KLK12: variants seen among roughly 807,000 people sequenced by gnomAD.
The protein encoded by KLK12 is kallikrein-12.
KLK12 carries 23 observed loss-of-function variants against 20.0 expected under a neutral mutation model. That is an observed-to-expected ratio of 1.15 (90% CI 0.83 to 1.63). The LOEUF (loss-of-function observed/expected upper bound fraction) is 1.63. KLK12 is among the 40% of genes most tolerant of loss of function. The pLI, the probability that KLK12 is intolerant of heterozygous loss-of-function variation, is 0.00. For synonymous variants in KLK12, 147 were observed against 141.9 expected (o/e 1.04, Z -0.25); for missense variants, 351 against 338.6 (o/e 1.04, Z -0.29).
intron 5 of KLK12, among the ~76,000 whole-genome samples, chr19:51,029,706 T>A (rs919681458): frequency 6.6e-6 from 1 of 152,132 alleles, no homozygotes; most frequent in African/African-American, 2.4e-5. Context: ...TCAAGGACAA[T>A]GGCTGGGGCC....
In KLK12 at chr19:51,031,929, G is replaced by A; in HGVS notation, c.404C>T (p.Thr135Ile). 6.2e-7 allele frequency: 1 copy of A among 1,613,484 alleles called. No homozygotes were observed. The highest frequency in any genetic ancestry group is 8.5e-7 in the Non-Finnish European group (1 of 1,179,688). ...TGAGACGTGGCACTCGGTGCCAGCGGTTGCACAGTCATTGGGCAGGGGCAG... is the reference window on the plus strand; with the variant it reads ...TGAGACGTGGCACTCGGTGCCAGCGATTGCACAGTCATTGGGCAGGGGCAG... ...QPLPLPNDCA[T>I]AGTECHVSGW... The change falls in exon 4 of 6, where the codon ACC becomes ATC. Residue 135 changes from threonine to isoleucine, a missense_variant. Coordinates refer to ENST00000684732, the MANE Select transcript of KLK12 (RefSeq NM_001370125.1).
Position 51,034,156 on chromosome 19 carries a change from G to A in KLK12, c.38-17C>T, listed in dbSNP as rs780397576. The A allele has an allele frequency of 6.4e-7, 1 of 1,551,348 alleles. No homozygotes were observed. The highest frequency in any genetic ancestry group is 1.2e-5 in the South Asian group (1 of 84,058). ...GGCTGAGCCCTGGAGACAGACAGGG[G>A]CATGGGTCAGAGAGAGGAAGAAAAG... On this transcript the variant is annotated splice_polypyrimidine_tract_variant and intron_variant, in intron 2 of 5. Coordinates refer to ENST00000684732, the MANE Select transcript of KLK12 (RefSeq NM_001370125.1).
At chr19:51,033,632 G>T (rs2091582046) in intron 3 of KLK12, among the ~76,000 whole-genome samples, 3 of 152,036 alleles carry the variant, frequency 2.0e-5, no homozygotes, top group South Asian at 2.1e-4. Flanking sequence ...ATAAAAAAAA[G>T]AAAAAGAAAA....
rs370106471 is a variant in KLK12, at chr19:51,030,907, G to T, written c.472C>A (p.Leu158Met). Residue 158 changes from leucine to methionine, a missense_variant, in exon 5 of 6, where the codon CTG becomes ATG. Physicochemically the swap from Leu to Met is conservative, Grantham distance 15. Coordinates refer to ENST00000684732, the MANE Select transcript of KLK12 (RefSeq NM_001370125.1). The part of the protein sequence containing the change: ...TNHPRNPFPD[L>M]LQCLNLSIVS... ...ATGGAGAGGTTGAGGCACTGGAGCA[G>T]ATCCGGGAATGGGTCTGGAGAGAGA... 1.2e-6 allele frequency: 2 copies of T among 1,614,048 alleles called. No homozygotes were observed. Among genetic ancestry groups the T allele is most frequent in the African/African-American group, 2.7e-5 (2 of 74,922 alleles).
At chr19:51,033,221 A>G (rs111496694) in intron 3 of KLK12, among the ~76,000 whole-genome samples, 8,663 of 87,298 alleles carry the variant, frequency 0.099, 293 homozygotes, top group Non-Finnish European at 0.15. Context: ...CTCTGTCTCC[A>G]AAAAAAAAAA....
intron 5 of KLK12, among the ~76,000 whole-genome samples, chr19:51,029,797 T>A (rs372493123): frequency 6.6e-6 from 1 of 151,976 alleles, no homozygotes; most frequent in South Asian, 2.1e-4. Context: ...GAGTCGAGCA[T>A]TCTCTCAAGG....
chr19:51,029,099 C>T lies in KLK12; in HGVS notation c.*203G>A. The T allele has an allele frequency of 6.4e-7, 1 of 1,573,500 alleles. No homozygotes were observed. The highest frequency in any genetic ancestry group is 8.7e-7 in the Non-Finnish European group (1 of 1,143,856). On this transcript the variant is annotated 3_prime_UTR_variant, in exon 6 of 6. Coordinates refer to ENST00000684732, the MANE Select transcript of KLK12 (RefSeq NM_001370125.1). ...TTCAAATGGACAGACATGGCCCCTC[C>T]TTCATTTATATTTATTCCAGACTAT...
intron 5 of KLK12, 41 bp downstream of exon 5, chr19:51,030,747 T>G (rs765142280): frequency 6.2e-7 from 1 of 1,611,334 alleles, no homozygotes; most frequent in Admixed American, 1.7e-5. Flanking sequence ...CCCCTTCACT[T>G]CCTGTCCTGG....
At chr19:51,029,966 A>T (rs1378182631) in intron 5 of KLK12, 3 of 173,118 alleles carry the variant, frequency 1.7e-5, no homozygotes, top group African/African-American at 7.3e-5. Context: ...AAAAATGACC[A>T]ATCCCAGGGA....
At chr19:51,034,204 AGAGT>A in intron 2 of KLK12, 65 bp from the exon 3 acceptor site, 2 of 1,487,950 alleles carry the variant, frequency 1.3e-6, no homozygotes, top group Non-Finnish European at 1.8e-6. Flanking sequence ...AGAGACACAC[AGAGT>A]GAGAGAGAGA....
At chr19:51,029,482 T>C in intron 5 of KLK12, 25 bp from the exon 6 acceptor site, 1 of 1,572,218 alleles carries the variant, frequency 6.4e-7, no homozygotes, top group Non-Finnish European at 8.8e-7. Context: ...AAGTACTGTC[T>C]GAACAAGGGA....
At chr19:51,032,368 G>GTC (rs1340433523) in intron 3 of KLK12, among the ~76,000 whole-genome samples, 1 of 142,118 alleles carries the variant, frequency 7.0e-6, no homozygotes, top group African/African-American at 2.6e-5. Context: ...CTGCATCTGT[G>GTC]TCTCTCTCTC....
chr19:51,033,297 T>C (rs2091578756), intron 3 of KLK12, among the ~76,000 whole-genome samples: 1 of 151,190 alleles, frequency 6.6e-6, no homozygotes. Context: ...GTGCCAGGCA[T>C]AGATTCTGAA....
intron 3 of KLK12, 188 bp downstream of exon 3, chr19:51,033,792 A>C: frequency 1.5e-6 from 1 of 664,584 alleles, no homozygotes; most frequent in Non-Finnish European, 2.7e-6. Context: ...CCCTCCACCC[A>C]ACATACCTCA....
Position 51,029,291 on chromosome 19 carries a change from G to A in KLK12, c.*11C>T. 2 of 1,614,034 alleles carry A rather than the reference G, an allele frequency of 1.2e-6. No individual in the cohort carries two copies. The highest frequency in any genetic ancestry group is 1.1e-5 in the South Asian group (1 of 91,062). On this transcript the variant is annotated 3_prime_UTR_variant, in exon 6 of 6. Transcript: ENST00000684732. ...AAGTTAAGGGGTGGGGGTGGAGGTG[G>A]AGGAAACAGGTCAGTTGTTCCTCAT...
At chr19:51,034,285 A>T in intron 2 of KLK12, 146 bp from the exon 3 acceptor site, 8 of 1,174,206 alleles carry the variant, frequency 6.8e-6, no homozygotes, top group Non-Finnish European at 8.4e-6. Context: ...AGACCCAGTG[A>T]TAGAAAAAGA....
In KLK12 at chr19:51,034,549, G is replaced by A. The variant is rs375581488; in HGVS notation, c.37+36C>T. ...CTCATGGGGGTGAAGGGATCCAGTC[G>A]CAGTCCTGCCCTCTCCCTGCTCCGG... On this transcript the variant is annotated intron_variant, in intron 2 of 5. Transcript: ENST00000684732. 1.9e-5 allele frequency: 31 copies of A among 1,603,450 alleles called. No homozygotes were observed. The South Asian group carries it at 2.4e-4, about 12-fold the overall frequency.
In KLK12 at chr19:51,029,128, A is replaced by ATT; in HGVS notation, c.*173_*174insAA. ...ATTTATATTTATTCCAGACTATTGCACACTTCTCTCACCCCGCTCGTGGGT... is the reference window on the plus strand; with the variant it reads ...ATTTATATTTATTCCAGACTATTGCATTCACTTCTCTCACCCCGCTCGTGGGT... On this transcript the variant is annotated 3_prime_UTR_variant, in exon 6 of 6. Coordinates refer to ENST00000684732, the MANE Select transcript of KLK12 (RefSeq NM_001370125.1). 1 of 1,610,614 alleles carries ATT rather than the reference A, an allele frequency of 6.2e-7. No individual in the cohort carries two copies. The highest frequency in any genetic ancestry group is 8.5e-7 in the Non-Finnish European group (1 of 1,176,896).
chr19:51,034,612 T>A lies in KLK12; in HGVS notation c.10A>T (p.Ser4Cys). The A allele has an allele frequency of 6.2e-7, 1 of 1,610,926 alleles. No homozygotes were observed. The change falls in exon 2 of 6, where the codon AGC (serine) becomes TGC (cysteine). Residue 4 changes from serine (S) to cysteine (C), a missense_variant. Physicochemically the swap from Ser to Cys is moderately radical, Grantham distance 112. Transcript: ENST00000684732. ...AGAACACACAGGAGCAAAAAGATGC[T>A]GAGCCCCATGGTGGGTCACTTCCAA... MGL[S>C]IFLLLCVLGL...
Sources: gnomAD v4.1 joint callset for allele counts (sites outside exome capture counted in the v4.1 genomes callset) on GRCh38, gnomAD v4.1.1 for gene constraint, MANE v1.5 for transcripts, NCBI Gene and HGNC (gene_info 2026-07-23, HGNC 2026-07-21) for gene names.